KCTD3: variants seen among roughly 807,000 people sequenced by gnomAD.
The protein encoded by KCTD3 is potassium channel tetramerization domain containing 3.
A neutral mutation model predicts 85.8 loss-of-function variants in KCTD3; 41 were observed. The ratio of observed to expected loss-of-function variants is 0.48; its 90% CI spans 0.37 to 0.62. The LOEUF (loss-of-function observed/expected upper bound fraction) is 0.62, where lower values mean the gene tolerates loss of function less well. Ranked by LOEUF, KCTD3 falls within the 20% of genes least tolerant of loss-of-function variation. KCTD3 has a pLI of 0.00. For synonymous variants in KCTD3, 338 were observed against 345.4 expected (o/e 0.98, Z 0.24); for missense variants, 724 against 989.9 (o/e 0.73, Z 3.60).
intron 9 of KCTD3, among the ~76,000 whole-genome samples, chr1:215,590,295 C>T (rs1378588986): frequency 6.6e-6 from 1 of 152,106 alleles, no homozygotes; most frequent in East Asian, 1.9e-4. Context: ...CATCCTGTTA[C>T]TTATTTGTAA....
At chr1:215,607,841 T>G (rs1171298298) in intron 13 of KCTD3, among the ~76,000 whole-genome samples, 176 bp from the exon 14 acceptor site, 1 of 152,000 alleles carries the variant, frequency 6.6e-6, no homozygotes, top group Admixed American at 6.6e-5. Flanking sequence ...TGCAGCAAGG[T>G]AAAACATCCA....
chr1:215,615,055 A>C (rs764453648), intron 15 of KCTD3, among the ~76,000 whole-genome samples: 33 of 152,214 alleles, frequency 2.2e-4, no homozygotes, highest in Non-Finnish European at 4.6e-4. Flanking sequence ...TATTTCTAAC[A>C]GTAACACTGT....
intron 10 of KCTD3, among the ~76,000 whole-genome samples, chr1:215,600,852 G>A (rs1482631735): frequency 6.6e-6 from 1 of 152,184 alleles, no homozygotes; most frequent in South Asian, 2.1e-4. Flanking sequence ...GGCTTGTCTG[G>A]CCTGGCTGTA....
chr1:215,576,609 T>C (rs1659593080), intron 4 of KCTD3, among the ~76,000 whole-genome samples: 1 of 151,956 alleles, frequency 6.6e-6, no homozygotes, highest in African/African-American at 2.4e-5. Flanking sequence ...CTTTTTTTTT[T>C]TGAGACTGAG....
chr1:215,581,193 C>CCAAGA, intron 8 of KCTD3: 1 of 216,448 alleles, frequency 4.6e-6, no homozygotes, highest in Non-Finnish European at 9.6e-6. Flanking sequence ...TTGCAGTGAG[C>CCAAGA]TGATAGCTCA....
chr1:215,586,591 G>A lies in KCTD3; in HGVS notation c.723G>A (p.Gly241=), dbSNP rs1455765125. 1 of 1,614,074 alleles carries A rather than the reference G, an allele frequency of 6.2e-7. No homozygotes were observed. The highest frequency in any genetic ancestry group is 8.5e-7 in the Non-Finnish European group (1 of 1,180,002). Residue 241 remains glycine (G), a synonymous_variant, in exon 9 of 18, where the codon GGG becomes GGA. Transcript: ENST00000259154. ...CTTTAAATGCAAAGGTGGTTGGAGGGCCACATGGAGACAAAGACAAAATGG... is the reference window on the plus strand; with the variant it reads ...CTTTAAATGCAAAGGTGGTTGGAGGACCACATGGAGACAAAGACAAAATGG... ...RVALNAKVVG[G]PHGDKDKMVA... is the part of the protein sequence containing the mutation.
intron 14 of KCTD3, among the ~76,000 whole-genome samples, chr1:215,608,495 A>T (rs541406499): frequency 6.6e-6 from 1 of 151,840 alleles, no homozygotes; most frequent in African/African-American, 2.4e-5. Flanking sequence ...GACATTTGAA[A>T]TTTTTTTTGT....
chr1:215,597,501 TC>T (rs2102585013), intron 10 of KCTD3, among the ~76,000 whole-genome samples: 1 of 152,282 alleles, frequency 6.6e-6, no homozygotes, highest in South Asian at 2.1e-4. Context: ...GGAAGTTGGC[TC>T]TAGAAAGGCA....
intron 10 of KCTD3, 106 bp from the exon 11 acceptor site, chr1:215,601,761 A>T (rs1654845061): frequency 3.1e-6 from 2 of 653,912 alleles, no homozygotes; most frequent in Non-Finnish European, 5.4e-6. Context: ...CTAAAATTGG[A>T]TATTGGTTGC....
At chr1:215,571,484 G>A (rs974810693) in intron 1 of KCTD3, among the ~76,000 whole-genome samples, 4 of 152,144 alleles carry the variant, frequency 2.6e-5, no homozygotes, top group Non-Finnish European at 5.9e-5. Context: ...ACTTCTATGT[G>A]TTCCCTAAAG....
rs1004570571 is a variant in KCTD3, at chr1:215,567,618, C to T, written c.-68C>T. 5.8e-6 allele frequency: 6 copies of T among 1,038,724 alleles called. No individual in the cohort carries two copies. In the African/African-American group the frequency reaches 9.9e-5, roughly 17 times the overall value. 64.3% of individuals were successfully genotyped at this position (1,038,724 alleles called of 1,614,324 possible). ...CTGCAGCCGTCGCCGCTGCCTCGGG[C>T]TACAGCCCCGGGCTCGGCGGTCCCG... On this transcript the variant is annotated 5_prime_UTR_variant, in exon 1 of 18. Coordinates refer to ENST00000259154, the MANE Select transcript of KCTD3 (RefSeq NM_016121.5).
rs1467591214 is a variant in KCTD3 at position 215,621,546 on chromosome 1, T to G, written c.*928T>G. The G allele has an allele frequency of 1.3e-5, 2 of 152,494 alleles. No individual in the cohort carries two copies. The highest frequency in any genetic ancestry group is 2.9e-5 in the Non-Finnish European group (2 of 67,988). 9.4% of individuals were successfully genotyped at this position (152,494 alleles called of 1,614,324 possible). On this transcript the variant is annotated 3_prime_UTR_variant, in exon 18 of 18. Transcript: ENST00000259154. ...TGTAAGAATGTGAATTTGAATGTATTTTGAATTGTAAGAGCAAAAGAACGT... is the reference window on the plus strand; with the variant it reads ...TGTAAGAATGTGAATTTGAATGTATGTTGAATTGTAAGAGCAAAAGAACGT...
At chr1:215,575,571 G>A (rs992803327) in intron 3 of KCTD3, among the ~76,000 whole-genome samples, 1 of 152,102 alleles carries the variant, frequency 6.6e-6, no homozygotes, top group African/African-American at 2.4e-5. Flanking sequence ...ATTCTAGACT[G>A]TTTCAGATAA....
chr1:215,593,982 C>A (rs1660317494), intron 9 of KCTD3, among the ~76,000 whole-genome samples: 1 of 151,628 alleles, frequency 6.6e-6, no homozygotes, highest in Non-Finnish European at 1.5e-5. Flanking sequence ...GCCACAGCCT[C>A]CCCAGTAGCT....
At chr1:215,602,428 T>C (rs1371790004) in intron 12 of KCTD3, among the ~76,000 whole-genome samples, 1 of 151,692 alleles carries the variant, frequency 6.6e-6, no homozygotes, top group African/African-American at 2.4e-5. Flanking sequence ...CCCCTTACGC[T>C]GAATTGCATT....
chr1:215,574,906 G>A (rs1404905461), intron 3 of KCTD3, among the ~76,000 whole-genome samples: 1 of 152,100 alleles, frequency 6.6e-6, no homozygotes, highest in Non-Finnish European at 1.5e-5. Flanking sequence ...TTTATGGCCA[G>A]ATCTTTTGTA....
intron 4 of KCTD3, 45 bp from the exon 5 acceptor site, chr1:215,577,625 C>A: frequency 8.1e-7 from 1 of 1,233,656 alleles, no homozygotes; most frequent in Non-Finnish European, 1.2e-6. Flanking sequence ...GATGATAATA[C>A]AGGTTTCCAG....
At chr1:215,619,915 A>T in intron 17 of KCTD3, 142 bp from the exon 18 acceptor site, 1 of 523,050 alleles carries the variant, frequency 1.9e-6, no homozygotes, top group Non-Finnish European at 3.2e-6. Flanking sequence ...AGTACTTGAT[A>T]AGTATATTTT....
chr1:215,598,562 G>A (rs567990822), intron 10 of KCTD3, among the ~76,000 whole-genome samples: 2 of 151,982 alleles, frequency 1.3e-5, no homozygotes, highest in South Asian at 2.1e-4. Flanking sequence ...AACAAATAAC[G>A]AAAAGTCATT....
Sources: gnomAD v4.1 joint callset for allele counts (sites outside exome capture counted in the v4.1 genomes callset) on GRCh38, gnomAD v4.1.1 for gene constraint, MANE v1.5 for transcripts, NCBI Gene and HGNC (gene_info 2026-07-23, HGNC 2026-07-21) for gene names.